Variants in UNC13C observed in about 807,000 individuals in gnomAD.
UNC13C encodes the protein unc-13 homolog C.
Under a neutral mutation model 245.4 loss-of-function variants are expected in UNC13C, and 174 were observed. The observed-to-expected ratio is 0.71, with a 90% confidence interval of 0.63 to 0.80. The LOEUF (loss-of-function observed/expected upper bound fraction) is 0.80. Ranked by LOEUF, UNC13C falls within the 30% of genes least tolerant of loss-of-function variation. UNC13C has a pLI of 0.00. For missense variants in UNC13C, 2,829 were observed against 2,602.9 expected (o/e 1.09, Z -1.89); for synonymous variants, 992 against 895.1 (o/e 1.11, Z -1.93).
At chr15:54,475,440 A>G (rs1892683347) in intron 19 of UNC13C, among the ~76,000 whole-genome samples, 1 of 151,542 alleles carries the variant, frequency 6.6e-6, no homozygotes, top group Non-Finnish European at 1.5e-5. Context: ...TATATCTCCT[A>G]ATGCTATCCC....
chr15:54,124,058 C>A (rs12913034), intron 2 of UNC13C, among the ~76,000 whole-genome samples: 57,566 of 151,788 alleles, frequency 0.38, 11,023 homozygotes, highest in African/African-American at 0.41. Context: ...GACTAGCGTC[C>A]TATGACATGG....
the UNC13C span, among the ~76,000 whole-genome samples, chr15:53,951,924 T>C: frequency 6.6e-6 from 1 of 152,200 alleles, no homozygotes. Flanking sequence ...ATGAGGATTT[T>C]AACTTTTTTC....
intron 19 of UNC13C, among the ~76,000 whole-genome samples, chr15:54,451,413 A>C (rs1891169104): frequency 6.6e-6 from 1 of 151,956 alleles, no homozygotes; most frequent in Non-Finnish European, 1.5e-5. Context: ...GAAAATTTAC[A>C]TATTTAGTCC....
rs1479963746 is a variant in UNC13C, at chr15:54,013,343, C to T, written c.440C>T (p.Thr147Ile). 1 of 1,613,886 alleles carries T rather than the reference C, an allele frequency of 6.2e-7. No individual in the cohort carries two copies. The highest frequency in any genetic ancestry group is 1.7e-5 in the Admixed American group (1 of 59,966). Residue 147 changes from threonine to isoleucine, a missense_variant, in exon 2 of 33, where the codon ACA becomes ATA. By Grantham distance (89) the Thr-to-Ile change is moderately conservative. Transcript: ENST00000260323. ...STENQAQSTH[T>I]MPVRRNRKSS... ...GAAAACCAGGCACAATCAACACACA[C>T]AATGCCAGTTAGACGCAACAGAAAG...
At chr15:54,546,261 T>C (rs1014637500) in intron 26 of UNC13C, among the ~76,000 whole-genome samples, 5 of 151,696 alleles carry the variant, frequency 3.3e-5, no homozygotes, top group African/African-American at 9.7e-5. Flanking sequence ...TAAGTGGGAG[T>C]TGAACAATGA....
intron 2 of UNC13C, among the ~76,000 whole-genome samples, chr15:54,097,689 A>G (rs745312222): frequency 6.6e-6 from 1 of 152,212 alleles, no homozygotes; most frequent in Non-Finnish European, 1.5e-5. Flanking sequence ...TTCATCTAGT[A>G]GTAATTCATC....
chr15:54,369,302 C>T (rs1056779596), intron 17 of UNC13C, among the ~76,000 whole-genome samples: 3 of 151,844 alleles, frequency 2.0e-5, no homozygotes, highest in East Asian at 1.9e-4. Flanking sequence ...AAGGTTAATT[C>T]GTAGACTTTC....
Position 54,059,045 on chromosome 15 carries a change from G to C in UNC13C, c.2983+43159G>C, listed in dbSNP as rs548989243. ...AAACTGGAAGCATTCCCTTTGAAAAGTGGCACAAGACAGGGATGCCCTCTC... is the reference window on the plus strand; with the variant it reads ...AAACTGGAAGCATTCCCTTTGAAAACTGGCACAAGACAGGGATGCCCTCTC... On this transcript the variant is annotated intron_variant, in intron 2 of 32. Coordinates refer to ENST00000260323, the MANE Select transcript of UNC13C (RefSeq NM_001080534.3). 1.5e-3 allele frequency among the ~76,000 whole-genome samples: 229 copies of C among 152,184 alleles called. 1 individual carries two copies. Among genetic ancestry groups the C allele is most frequent in the Non-Finnish European group, 2.6e-3 (174 of 68,004 alleles).
intron 2 of UNC13C, among the ~76,000 whole-genome samples, chr15:54,117,913 C>T (rs548911443): frequency 6.6e-6 from 1 of 152,128 alleles, no homozygotes; most frequent in South Asian, 2.1e-4. Flanking sequence ...TGTCTTTTCC[C>T]TATTATATGT....
At chr15:54,597,316 C>A (rs1899142390) in intron 30 of UNC13C, among the ~76,000 whole-genome samples, 1 of 152,134 alleles carries the variant, frequency 6.6e-6, no homozygotes, top group Non-Finnish European at 1.5e-5. Context: ...GAGCCAAGGG[C>A]AATAGCAGCG....
At chr15:54,044,155 T>C (rs944496186) in intron 2 of UNC13C, among the ~76,000 whole-genome samples, 2 of 152,234 alleles carry the variant, frequency 1.3e-5, no homozygotes, top group Non-Finnish European at 1.5e-5. Flanking sequence ...GAACCTTTCA[T>C]ATAAATGGAA....
chr15:54,240,604 C>A (rs17818278), intron 7 of UNC13C, among the ~76,000 whole-genome samples: 20,827 of 152,166 alleles, frequency 0.14, 1,539 homozygotes, highest in Non-Finnish European at 0.16. Flanking sequence ...CCTTCACTAA[C>A]GCTCTGCTGG....
intron 19 of UNC13C, among the ~76,000 whole-genome samples, chr15:54,477,149 C>T (rs920563297): frequency 8.7e-6 from 1 of 114,812 alleles, no homozygotes; most frequent in African/African-American, 3.4e-5. Context: ...GATTTTTGTA[C>T]ATTGATTTTG....
chr15:54,506,604 C>T (rs1033494314), intron 22 of UNC13C, among the ~76,000 whole-genome samples: 3 of 151,984 alleles, frequency 2.0e-5, no homozygotes, highest in African/African-American at 7.2e-5. Context: ...TGTAAGCAAG[C>T]TTATAATCAA....
At chr15:54,135,744 C>A (rs1252126245) in intron 2 of UNC13C, among the ~76,000 whole-genome samples, 1 of 152,116 alleles carries the variant, frequency 6.6e-6, no homozygotes, top group African/African-American at 2.4e-5. Flanking sequence ...CATGCCCCAG[C>A]TTCGTTCTTT....
At chr15:53,977,365 T>C (rs1218409389), upstream of UNC13C, among the ~76,000 whole-genome samples, 1 of 152,230 alleles carries the variant, frequency 6.6e-6, no homozygotes, top group Non-Finnish European at 1.5e-5. Context: ...TTTAACTGTT[T>C]ATTTTGATGG....
intron 10 of UNC13C, among the ~76,000 whole-genome samples, chr15:54,271,764 A>G (rs2036693255): frequency 6.6e-6 from 1 of 152,224 alleles, no homozygotes; most frequent in Non-Finnish European, 1.5e-5. Context: ...ATGAAAGTCT[A>G]GTCAACAAAA....
At chr15:54,430,957 T>C (rs1204576767) in intron 19 of UNC13C, among the ~76,000 whole-genome samples, 2 of 151,744 alleles carry the variant, frequency 1.3e-5, no homozygotes, top group Non-Finnish European at 3.0e-5. Flanking sequence ...ATGAACCATG[T>C]TGCAACTTCT....
intron 18 of UNC13C, among the ~76,000 whole-genome samples, chr15:54,409,701 A>G (rs2040379180): frequency 6.6e-6 from 1 of 152,186 alleles, no homozygotes; most frequent in Non-Finnish European, 1.5e-5. Flanking sequence ...GCTGCAAAGG[A>G]CATGATTTTA....
Sources: gnomAD v4.1 joint callset for allele counts (sites outside exome capture counted in the v4.1 genomes callset) on GRCh38, gnomAD v4.1.1 for gene constraint, MANE v1.5 for transcripts, NCBI Gene and HGNC (gene_info 2026-07-23, HGNC 2026-07-21) for gene names.